RAB11FIP5: variants seen among roughly 807,000 people sequenced by gnomAD.
The protein encoded by RAB11FIP5 is rab11 family-interacting protein 5.
Under a neutral mutation model 85.1 loss-of-function variants are expected in RAB11FIP5, and 48 were observed. That is an observed-to-expected ratio of 0.56 (90% CI 0.45 to 0.72). The LOEUF is 0.72. RAB11FIP5 is among the 30% of genes least tolerant of loss of function. The pLI, the probability that RAB11FIP5 is intolerant of heterozygous loss-of-function variation, is 0.00. For missense variants in RAB11FIP5, 1,491 were observed against 1,687.0 expected (o/e 0.88, Z 2.04); for synonymous variants, 729 against 727.3 (o/e 1.00, Z -0.04).
intron 1 of RAB11FIP5, among the ~76,000 whole-genome samples, chr2:73,092,162 A>G (rs1190609546): frequency 6.6e-6 from 1 of 152,132 alleles, no homozygotes; most frequent in Non-Finnish European, 1.5e-5. Context: ...CTTTCCCTAA[A>G]TCTGGGCTAG....
In RAB11FIP5 at chr2:73,080,319, G is replaced by T. The variant is rs1683947865; in HGVS notation, c.2913C>A (p.Gly971=). The change falls in exon 4 of 6, where the codon GGC becomes GGA. Residue 971 remains glycine (G), a synonymous_variant. Transcript: ENST00000486777. Reference sequence around the variant, plus strand: ...CCACTAGCTCTTCCAGGCCAGGCTGGCCCAGCAGGGTTGCAGAGGAGCAGC... The same window carrying T: ...CCACTAGCTCTTCCAGGCCAGGCTGTCCCAGCAGGGTTGCAGAGGAGCAGC... ...SDSCSSATLL[G]QPGLEELVED... 1 of 1,232,662 alleles carries T rather than the reference G, an allele frequency of 8.1e-7. No homozygotes were observed. The highest frequency in any genetic ancestry group is 4.1e-5 in the South Asian group (1 of 24,330). 76.4% of individuals were successfully genotyped at this position (1,232,662 alleles called of 1,614,324 possible).
intron 1 of RAB11FIP5, among the ~76,000 whole-genome samples, chr2:73,110,047 G>T (rs1486021491): frequency 1.3e-5 from 2 of 152,268 alleles, no homozygotes; most frequent in Middle Eastern, 3.4e-3. Context: ...GGCAGTTTTG[G>T]GACTGGGATC....
At chr2:73,099,907 C>T (rs958660511) in intron 1 of RAB11FIP5, among the ~76,000 whole-genome samples, 19 of 152,186 alleles carry the variant, frequency 1.2e-4, no homozygotes, top group African/African-American at 4.6e-4. Flanking sequence ...GCTACTACCA[C>T]CCTGGGGACA....
rs991556568 is a variant in RAB11FIP5 at position 73,086,312 on chromosome 2, C to T, written c.1568+1738G>A. ...GCTCAGAATTCAAGTGACAGCAGGA[C>T]AGAAACCTCAGCTTCCTTATGGCCA... On this transcript the variant is annotated intron_variant, in intron 3 of 5. Transcript: ENST00000486777. The surrounding 1 kb of genome is among the most constrained non-coding windows in gnomAD (Gnocchi z 4.4). Among the ~76,000 whole-genome samples the T allele has an allele frequency of 2.6e-5, 4 of 152,228 alleles. No individual in the cohort carries two copies. Among genetic ancestry groups the T allele is most frequent in the African/African-American group, 9.6e-5 (4 of 41,452 alleles).
intron 1 of RAB11FIP5, among the ~76,000 whole-genome samples, chr2:73,111,835 C>T (rs1385995617): frequency 6.6e-6 from 1 of 152,180 alleles, no homozygotes; most frequent in Non-Finnish European, 1.5e-5. Context: ...CAGATGCCCC[C>T]TGCAGCCAGC....
chr2:73,079,074 T>C (rs1267690342), intron 4 of RAB11FIP5, among the ~76,000 whole-genome samples: 2 of 152,088 alleles, frequency 1.3e-5, no homozygotes, highest in African/African-American at 2.4e-5. Context: ...ATGTGGGAAG[T>C]GTTTGAGTTT....
chr2:73,112,189 G>A (rs1339272164), intron 1 of RAB11FIP5, among the ~76,000 whole-genome samples, 158 bp downstream of exon 1: 1 of 152,198 alleles, frequency 6.6e-6, no homozygotes, highest in East Asian at 1.9e-4. Flanking sequence ...GCTTGAAGAC[G>A]ACCCCGAAAT....
At chr2:73,100,417 T>C (rs1156409030) in intron 1 of RAB11FIP5, among the ~76,000 whole-genome samples, 1 of 147,580 alleles carries the variant, frequency 6.8e-6, no homozygotes, top group Non-Finnish European at 1.5e-5. Context: ...CGGGTTTTTT[T>C]GGTTGTGGTT....
At chr2:73,090,634 G>A (rs1394971599) in intron 1 of RAB11FIP5, among the ~76,000 whole-genome samples, 1 of 152,184 alleles carries the variant, frequency 6.6e-6, no homozygotes, top group Non-Finnish European at 1.5e-5. Flanking sequence ...AGTGAAAGAA[G>A]ACAATCTGAA....
intron 1 of RAB11FIP5, among the ~76,000 whole-genome samples, chr2:73,100,326 C>G (rs1409150125): frequency 6.6e-6 from 1 of 152,122 alleles, no homozygotes; most frequent in African/African-American, 2.4e-5. Context: ...AGGCCTGCAG[C>G]CTTCAATGAC....
chr2:73,100,636 G>A (rs1313786015), intron 1 of RAB11FIP5, among the ~76,000 whole-genome samples: 1 of 152,040 alleles, frequency 6.6e-6, no homozygotes, highest in Non-Finnish European at 1.5e-5. Context: ...ATGTTGGCCA[G>A]GCTGGTCTTG....
rs1281628881 is a variant in RAB11FIP5 at position 73,075,367 on chromosome 2, C to A, written c.*154G>T. On this transcript the variant is annotated 3_prime_UTR_variant, in exon 6 of 6. Coordinates refer to ENST00000486777, the MANE Select transcript of RAB11FIP5 (RefSeq NM_001371272.1). This position sits in a 1 kb window ranked among gnomAD's most constrained non-coding sequence, Gnocchi z 4.6. ...CCTCCAAAGGGAATCCAGAGGGCCCCCTTCCAGCAGCCCCAGTTGAGGCAG... is the reference window on the plus strand; with the variant it reads ...CCTCCAAAGGGAATCCAGAGGGCCCACTTCCAGCAGCCCCAGTTGAGGCAG... The A allele has an allele frequency of 1.5e-5, 12 of 816,852 alleles. No homozygotes were observed. Among genetic ancestry groups the A allele is most frequent in the Non-Finnish European group, 2.5e-5 (12 of 478,770 alleles). 50.6% of individuals were successfully genotyped at this position (816,852 alleles called of 1,614,324 possible). A position where few individuals can be genotyped will look rare whatever the true frequency, so the allele number is the denominator to read the frequency against.
At chr2:73,102,402 A>G (rs957289350) in intron 1 of RAB11FIP5, among the ~76,000 whole-genome samples, 1 of 152,192 alleles carries the variant, frequency 6.6e-6, no homozygotes, top group Non-Finnish European at 1.5e-5. Context: ...ATGCCTTAGC[A>G]GTTATTTCTC....
At chr2:73,079,271 G>GC (rs1054702231) in intron 4 of RAB11FIP5, among the ~76,000 whole-genome samples, 5 of 151,648 alleles carry the variant, frequency 3.3e-5, no homozygotes, top group African/African-American at 1.2e-4. Context: ...AAGTTCCACC[G>GC]CCCCCCACCC....
At chr2:73,109,788 GCTTTC>G (rs1276038287) in intron 1 of RAB11FIP5, among the ~76,000 whole-genome samples, 1 of 152,094 alleles carries the variant, frequency 6.6e-6, no homozygotes, top group Non-Finnish European at 1.5e-5. Flanking sequence ...TGGTCCTAAG[GCTTTC>G]CTAGGCTCTA....
chr2:73,101,034 T>G (rs1224274057), intron 1 of RAB11FIP5, among the ~76,000 whole-genome samples: 5 of 119,890 alleles, frequency 4.2e-5, no homozygotes, highest in Admixed American at 8.8e-5. Flanking sequence ...GAAAGGTTGG[T>G]GGTGGGGTGG....
intron 1 of RAB11FIP5, among the ~76,000 whole-genome samples, chr2:73,104,616 C>G (rs1214218879): frequency 6.6e-6 from 1 of 152,122 alleles, no homozygotes; most frequent in Non-Finnish European, 1.5e-5. Flanking sequence ...TAAAGAAAGT[C>G]CTGCTGTTTT....
chr2:73,096,957 C>A (rs1558521975), intron 1 of RAB11FIP5, among the ~76,000 whole-genome samples: 2 of 152,240 alleles, frequency 1.3e-5, no homozygotes. Context: ...TTCACTCACT[C>A]ATTCGAGTTA....
Position 73,075,707 on chromosome 2 carries a change from G to A in RAB11FIP5, c.3789C>T (p.Asp1263=). 6.2e-7 allele frequency: 1 copy of A among 1,608,330 alleles called. No individual in the cohort carries two copies. The highest frequency in any genetic ancestry group is 8.5e-7 in the Non-Finnish European group (1 of 1,177,072). ...TKRLKDSAVL[D]QSAKYYHLTH... is the part of the protein sequence containing the mutation. ...TCAGGTGGTAGTACTTGGCCGACTG[G>A]TCCAGCACAGCTGAGTCCTGAGGCC... Residue 1263 remains aspartate, a synonymous_variant, in exon 6 of 6, where the codon GAC becomes GAT. Coordinates refer to ENST00000486777, the MANE Select transcript of RAB11FIP5 (RefSeq NM_001371272.1). The surrounding 1 kb of genome is among the most constrained non-coding windows in gnomAD (Gnocchi z 4.6).
Sources: allele counts gnomAD v4.1 joint callset (sites outside exome capture counted in the v4.1 genomes callset), GRCh38; gene constraint gnomAD v4.1.1; non-coding constraint Gnocchi (gnomAD v3.1); transcripts MANE v1.5; gene names NCBI Gene and HGNC (gene_info 2026-07-23, HGNC 2026-07-21).